The following NPAS3 variants were observed in gnomAD, a reference collection of about 807,000 sequenced individuals.
NPAS3 encodes neuronal PAS domain protein 3, also known as neuronal PAS domain-containing protein 3.
A neutral mutation model predicts 73.1 loss-of-function variants in NPAS3; 14 were observed. The observed-to-expected ratio is 0.19, with a 90% CI of 0.13 to 0.30. The LOEUF (loss-of-function observed/expected upper bound fraction) is 0.30. NPAS3 is among the 10% of genes least tolerant of loss of function. The pLI is 1.00. For synonymous variants in NPAS3, 620 were observed against 541.5 expected, an observed-to-expected ratio of 1.14 and a Z score of -2.01; for missense variants, 1,096 against 1,250.0, an observed-to-expected ratio of 0.88 and a Z score of 1.86.
At chr14:33,680,673 C>T in intron 6 of NPAS3, 7 of 702,320 alleles carry the variant, frequency 1.0e-5, no homozygotes, top group Non-Finnish European at 1.8e-5. Flanking sequence ...ATGCCTGGAT[C>T]CTACTTCAGA....
downstream of NPAS3, chr14:33,804,170 G>C (rs1595652255): frequency 6.6e-6 from 1 of 151,954 alleles, no homozygotes; most frequent in East Asian, 1.9e-4. Flanking sequence ...TCTTGGATTT[G>C]TTACTATCTG....
intron 3 of NPAS3, among the ~76,000 whole-genome samples, chr14:33,247,947 A>G (rs570262412): frequency 6.9e-4 from 105 of 152,342 alleles, no homozygotes; most frequent in African/African-American, 2.4e-3. Flanking sequence ...CAGAATCCAG[A>G]GTGTTTAAAA....
intron 2 of NPAS3, among the ~76,000 whole-genome samples, chr14:33,057,811 G>T (rs913842818): frequency 6.6e-6 from 1 of 152,210 alleles, no homozygotes; most frequent in East Asian, 1.9e-4. Flanking sequence ...TCCCCAAGAT[G>T]TTGAATTGGA....
At chr14:33,464,563 C>T (rs766500632) in intron 4 of NPAS3, among the ~76,000 whole-genome samples, 21 of 152,118 alleles carry the variant, frequency 1.4e-4, no homozygotes, top group East Asian at 1.9e-4. Context: ...TTTCCAAATG[C>T]GGTCCCTGAC....
chr14:33,068,329 G>A (rs1470329040), intron 2 of NPAS3, among the ~76,000 whole-genome samples: 1 of 152,162 alleles, frequency 6.6e-6, no homozygotes, highest in Non-Finnish European at 1.5e-5. Context: ...CTCTGTCCAT[G>A]AAACATTTCC....
At chr14:33,215,296 C>T in exon 3 of NPAS3, 1 of 1,565,664 alleles carries the variant, frequency 6.4e-7, no homozygotes, top group Non-Finnish European at 8.8e-7. Flanking sequence ...CAGCCATTAC[C>T]AGCCAGCTCG....
At chr14:33,290,792 C>CA (rs2042069697) in intron 3 of NPAS3, among the ~76,000 whole-genome samples, 1 of 152,218 alleles carries the variant, frequency 6.6e-6, no homozygotes, top group Non-Finnish European at 1.5e-5. Context: ...TTTGTGGGAA[C>CA]TTGATATTTC....
chr14:33,715,703 A>G (rs1238642350), intron 6 of NPAS3, among the ~76,000 whole-genome samples: 2 of 152,218 alleles, frequency 1.3e-5, no homozygotes, highest in African/African-American at 4.8e-5. Context: ...AATAAAGTTT[A>G]ATAAACACTG....
intron 3 of NPAS3, among the ~76,000 whole-genome samples, chr14:33,241,074 C>T (rs539988086): frequency 6.6e-6 from 1 of 151,854 alleles, no homozygotes; most frequent in Non-Finnish European, 1.5e-5. Context: ...ATTTTCTCTT[C>T]TTTTAAGAGT....
chr14:33,062,290 G>GA (rs899600772), intron 2 of NPAS3, among the ~76,000 whole-genome samples: 26 of 113,452 alleles, frequency 2.3e-4, no homozygotes, highest in Admixed American at 5.5e-4. Context: ...TCCCACCTAT[G>GA]AAAAAAAAAA....
chr14:33,558,339 C>T (rs1215061336), intron 4 of NPAS3, among the ~76,000 whole-genome samples: 1 of 151,994 alleles, frequency 6.6e-6, no homozygotes, highest in Non-Finnish European at 1.5e-5. Context: ...TGGCTTACTG[C>T]AACCTCCTCC....
At chr14:33,033,819 T>A (rs2040075060) in intron 1 of NPAS3, among the ~76,000 whole-genome samples, 1 of 152,246 alleles carries the variant, frequency 6.6e-6, no homozygotes, top group East Asian at 1.9e-4. Flanking sequence ...TTTAGTGTGT[T>A]AAGAACATGC....
intron 5 of NPAS3, among the ~76,000 whole-genome samples, chr14:33,647,171 G>A (rs1422943459): frequency 6.6e-6 from 1 of 152,068 alleles, no homozygotes; most frequent in Non-Finnish European, 1.5e-5. Flanking sequence ...GAACTAGATA[G>A]TCTAAGTATC....
chr14:33,328,769 T>A lies in NPAS3; in HGVS notation c.386-38417T>A, dbSNP rs557840945. Reference sequence around the variant, plus strand: ...TTCCGTTCCTTTGGGTTTTCCCAATTGTGACTTTCCTGAATTCTTGAGATG... The same window carrying A: ...TTCCGTTCCTTTGGGTTTTCCCAATAGTGACTTTCCTGAATTCTTGAGATG... On this transcript the variant is annotated intron_variant, in intron 3 of 11. Coordinates refer to ENST00000356141, the Ensembl canonical transcript of NPAS3. Among the ~76,000 whole-genome samples, 7 of 152,214 alleles carry A rather than the reference T, an allele frequency of 4.6e-5. No individual in the cohort carries two copies. The South Asian group carries it at 1.5e-3, about 32-fold the overall frequency.
At chr14:33,254,991 G>A (rs891968704) in intron 3 of NPAS3, among the ~76,000 whole-genome samples, 10 of 152,008 alleles carry the variant, frequency 6.6e-5, no homozygotes, top group African/African-American at 2.4e-4. Context: ...GACTGACCCA[G>A]TCTTACTTCT....
At chr14:33,313,248 AGAAAC>A (rs1403707209) in intron 3 of NPAS3, among the ~76,000 whole-genome samples, 1 of 152,074 alleles carries the variant, frequency 6.6e-6, no homozygotes, top group Non-Finnish European at 1.5e-5. Context: ...TCTTGACTGG[AGAAAC>A]TCTGATCCAG....
intron 5 of NPAS3, among the ~76,000 whole-genome samples, chr14:33,659,079 T>C (rs1171886843): frequency 6.6e-6 from 1 of 152,190 alleles, no homozygotes; most frequent in East Asian, 1.9e-4. Flanking sequence ...AATTAACACA[T>C]AGAACATTTT....
chr14:33,282,107 T>C (rs149778474), intron 3 of NPAS3, among the ~76,000 whole-genome samples: 113 of 152,322 alleles, frequency 7.4e-4, no homozygotes, highest in African/African-American at 2.4e-3. Context: ...AGCCAGTCTA[T>C]TTGTTTGACT....
intron 4 of NPAS3, among the ~76,000 whole-genome samples, chr14:33,544,795 T>TATATATTATATATATA (rs2054717564): frequency 9.6e-6 from 1 of 104,234 alleles, no homozygotes; most frequent in African/African-American, 5.7e-5. Flanking sequence ...GTATTATATA[T>TATATATTATATATATA]ATATATATAT....
Sources: allele counts gnomAD v4.1 joint callset (sites outside exome capture counted in the v4.1 genomes callset), GRCh38; gene constraint gnomAD v4.1.1; transcripts MANE v1.5; gene names NCBI Gene and HGNC (gene_info 2026-07-23, HGNC 2026-07-21).